STXBP5: variants seen among roughly 807,000 people sequenced by gnomAD.
STXBP5 encodes syntaxin-binding protein 5.
In STXBP5, 50 loss-of-function variants were observed where a neutral mutation model predicts 152.4. The ratio of observed to expected loss-of-function variants is 0.33; its 90% CI spans 0.26 to 0.42. The LOEUF (loss-of-function observed/expected upper bound fraction) is 0.42. STXBP5 is among the 10% of genes least tolerant of loss of function. The pLI, the probability that STXBP5 is intolerant of heterozygous loss-of-function variation, is 1.00. For missense variants in STXBP5, 1,167 were observed against 1,388.6 expected (o/e 0.84, Z 2.54); for synonymous variants, 492 against 494.7 (o/e 0.99, Z 0.07).
chr6:147,364,220 G>A, intron 25 of STXBP5, 54 bp downstream of exon 25: 1 of 1,502,372 alleles, frequency 6.7e-7, no homozygotes, highest in South Asian at 1.2e-5. Flanking sequence ...ATTCTCTGAG[G>A]GCCCGTATAC....
intron 4 of STXBP5, among the ~76,000 whole-genome samples, chr6:147,242,292 GTTA>G (rs1310671257): frequency 1.3e-5 from 2 of 151,952 alleles, no homozygotes; most frequent in Admixed American, 6.6e-5. Context: ...TAAGTGAAGG[GTTA>G]TTATAAAAGA....
At chr6:147,351,243 G>A (rs1278355205) in intron 21 of STXBP5, among the ~76,000 whole-genome samples, 1 of 152,168 alleles carries the variant, frequency 6.6e-6, no homozygotes, top group Non-Finnish European at 1.5e-5. Context: ...ATTTTAACAA[G>A]ATCTCCATGT....
intron 23 of STXBP5, among the ~76,000 whole-genome samples, chr6:147,360,613 G>A (rs953896931): frequency 2.0e-5 from 3 of 152,062 alleles, no homozygotes; most frequent in South Asian, 2.1e-4. Flanking sequence ...ACAGAAAAGT[G>A]CATTTTTAAA....
chr6:147,361,056 A>G (rs1247375579), intron 23 of STXBP5, among the ~76,000 whole-genome samples: 1 of 152,224 alleles, frequency 6.6e-6, no homozygotes, highest in African/African-American at 2.4e-5. Context: ...AACAGGTTAC[A>G]TAATGATATT....
In STXBP5 at chr6:147,387,655, G is replaced by A. The variant is rs142655874; in HGVS notation, c.*2900G>A. On this transcript the variant is annotated 3_prime_UTR_variant, in exon 28 of 28. Transcript: ENST00000321680. ...AAGTGTTTCCAAAAAAATGGTTATA[G>A]ATTCGACTGAGCTATTACTAACTTC... 221 of 151,902 alleles carry A rather than the reference G, an allele frequency of 1.5e-3. 1 individual carries two copies. Among genetic ancestry groups the A allele is most frequent in the African/African-American group, 5.1e-3 (210 of 41,542 alleles). The allele number at this position is 151,902 out of a possible 1,614,324, so 9.4% of individuals were successfully genotyped here. A position where few individuals can be genotyped will look rare whatever the true frequency, so the allele number is the denominator to read the frequency against.
chr6:147,331,033 C>A (rs189693926), intron 18 of STXBP5, among the ~76,000 whole-genome samples: 283 of 152,302 alleles, frequency 1.9e-3, no homozygotes, highest in Non-Finnish European at 3.5e-3. Flanking sequence ...CATTTGCCAG[C>A]CCTCTCAATT....
At position 147,373,793 on chromosome 6, in the gene STXBP5, T is replaced by C. The variant is rs1785677384; in HGVS notation, c.3144T>C (p.Phe1048=). Residue 1048 remains phenylalanine (F), a synonymous_variant, in exon 26 of 28, where the codon TTT becomes TTC. Transcript: ENST00000321680. ...ETPEAPNRGF[F]KGLFGGGAQS... ...CTGAAGCACCAAACAGGGGATTCTT[T>C]AAAGGCTTATTTGGAGGTGGTGCAC... 13 of 1,613,898 alleles carry C rather than the reference T, an allele frequency of 8.1e-6. No individual in the cohort carries two copies. The highest frequency in any genetic ancestry group is 1.3e-5 in the African/African-American group (1 of 75,042).
intron 2 of STXBP5, among the ~76,000 whole-genome samples, chr6:147,222,694 G>T (rs1426721281): frequency 1.3e-5 from 2 of 152,208 alleles, no homozygotes; most frequent in East Asian, 3.8e-4. Flanking sequence ...AACAGAATAT[G>T]CTCTTGCATA....
intron 4 of STXBP5, among the ~76,000 whole-genome samples, chr6:147,255,896 T>C (rs1213739171): frequency 6.6e-6 from 1 of 152,202 alleles, no homozygotes; most frequent in Non-Finnish European, 1.5e-5. Flanking sequence ...AGTAACATCA[T>C]CTTAAGATAC....
chr6:147,256,176 T>C (rs1779353250), intron 4 of STXBP5, among the ~76,000 whole-genome samples: 1 of 152,206 alleles, frequency 6.6e-6, no homozygotes, highest in South Asian at 2.1e-4. Flanking sequence ...TGAGCAGACT[T>C]GGAACACTGT....
Position 147,260,627 on chromosome 6 carries a change from C to T in STXBP5, c.444C>T (p.Cys148=). 6.2e-7 allele frequency: 1 copy of T among 1,613,580 alleles called. No homozygotes were observed. The highest frequency in any genetic ancestry group is 8.5e-7 in the Non-Finnish European group (1 of 1,179,662). ...TTTTCTCTTGCAGGGTTACATTTTGCCATCTGCCTTTCCAGAGTAAGTGGC... is the reference window on the plus strand; with the variant it reads ...TTTTCTCTTGCAGGGTTACATTTTGTCATCTGCCTTTCCAGAGTAAGTGGC... ...LKFCRERVTF[C]HLPFQSKWLY... The change falls in exon 5 of 28, where the codon TGC becomes TGT. Residue 148 remains cysteine (C), a synonymous_variant. Coordinates refer to ENST00000321680, the MANE Select transcript of STXBP5 (RefSeq NM_001127715.4).
chr6:147,302,218 T>G (rs1781856500), intron 9 of STXBP5, among the ~76,000 whole-genome samples: 1 of 151,840 alleles, frequency 6.6e-6, no homozygotes, highest in Non-Finnish European at 1.5e-5. Flanking sequence ...AATGATTTCC[T>G]GCCAGTTCCG....
At chr6:147,225,836 A>G (rs545250232) in intron 2 of STXBP5, among the ~76,000 whole-genome samples, 21 of 152,336 alleles carry the variant, frequency 1.4e-4, no homozygotes, top group Middle Eastern at 3.4e-3. Flanking sequence ...TGTAATAACA[A>G]CCTACAAAAG....
At chr6:147,263,316 C>T (rs1779728251) in intron 6 of STXBP5, among the ~76,000 whole-genome samples, 1 of 148,690 alleles carries the variant, frequency 6.7e-6, no homozygotes. Context: ...TCTTCCTGTG[C>T]CTTTTGCTTT....
At chr6:147,372,414 T>TTTTTTTTTTTC in intron 25 of STXBP5, among the ~76,000 whole-genome samples, 2 of 16,372 alleles carry the variant, frequency 1.2e-4, no homozygotes, top group African/African-American at 5.6e-4. Context: ...TTCCTTTTTT[T>TTTTTTTTTTTC]TTTTTTTTTT....
chr6:147,272,042 A>C (rs1178116295), intron 7 of STXBP5, among the ~76,000 whole-genome samples: 1 of 152,186 alleles, frequency 6.6e-6, no homozygotes, highest in African/African-American at 2.4e-5. Context: ...AAAGATCCCA[A>C]ATTTCTTGGA....
intron 24 of STXBP5, 24 bp downstream of exon 24, chr6:147,363,728 A>G (rs1310606515): frequency 1.3e-6 from 2 of 1,575,416 alleles, no homozygotes; most frequent in Non-Finnish European, 1.7e-6. Context: ...ATGTTTTAAA[A>G]CACAGATATA....
chr6:147,330,968 T>A (rs1315670907), intron 18 of STXBP5, among the ~76,000 whole-genome samples: 1 of 152,244 alleles, frequency 6.6e-6, no homozygotes, highest in African/African-American at 2.4e-5. Flanking sequence ...CAGCTGAATA[T>A]TTGGTTTTGG....
chr6:147,384,764 A>G lies in STXBP5; in HGVS notation c.*9A>G. The G allele has an allele frequency of 6.2e-7, 1 of 1,611,072 alleles. No individual in the cohort carries two copies. Among genetic ancestry groups the G allele is most frequent in the Non-Finnish European group, 8.5e-7 (1 of 1,178,746 alleles). The stretch of plus-strand genomic sequence containing the variant: ...AGTGGTACCAGTTCTGACAACCAGA[A>G]TCCAATAAGTCCAACTTCAGCCAGA... On this transcript the variant is annotated 3_prime_UTR_variant, in exon 28 of 28. Coordinates refer to ENST00000321680, the MANE Select transcript of STXBP5 (RefSeq NM_001127715.4).
Sources: allele counts gnomAD v4.1 joint callset (sites outside exome capture counted in the v4.1 genomes callset), GRCh38; gene constraint gnomAD v4.1.1; transcripts MANE v1.5; gene names NCBI Gene and HGNC (gene_info 2026-07-23, HGNC 2026-07-21).